Variants in SMARCA2 observed in about 807,000 individuals in gnomAD.
The protein encoded by SMARCA2 is SWI/SNF-related matrix-associated actin-dependent regulator of chromatin subfamily A member 2.
In SMARCA2, 61 loss-of-function variants were observed where a neutral mutation model predicts 199.8. The ratio of observed to expected loss-of-function variants is 0.31; its 90% CI spans 0.25 to 0.38. The LOEUF is 0.38. SMARCA2 is among the 10% of genes least tolerant of loss of function. The pLI is 1.00. For missense variants in SMARCA2, 1,344 were observed against 2,012.2 expected (o/e 0.67, Z 6.35); for synonymous variants, 935 against 732.0 (o/e 1.28, Z -4.48).
At chr9:2,135,389 A>T (rs1563792681) in intron 27 of SMARCA2, among the ~76,000 whole-genome samples, 1 of 152,202 alleles carries the variant, frequency 6.6e-6, no homozygotes, top group Non-Finnish European at 1.5e-5. Context: ...TCACAAAATA[A>T]TATTTTACCA....
intron 32 of SMARCA2, among the ~76,000 whole-genome samples, chr9:2,189,266 C>CTGTT (rs1202997418): frequency 1.3e-5 from 2 of 152,124 alleles, no homozygotes; most frequent in African/African-American, 2.4e-5. Flanking sequence ...CCTTAGGAAG[C>CTGTT]TGTTTATAGG....
chr9:2,192,478 G>A, intron 33 of SMARCA2: 1 of 570,626 alleles, frequency 1.8e-6, no homozygotes, highest in Non-Finnish European at 3.1e-6. Flanking sequence ...ACAAACAATA[G>A]CTTAGAGGGT....
intron 6 of SMARCA2, chr9:2,055,697 G>T (rs186248368): frequency 1.3e-5 from 2 of 152,268 alleles, no homozygotes; most frequent in Non-Finnish European, 2.9e-5. Context: ...GTGCTACTTG[G>T]CTCTTGGTTT....
At chr9:2,088,465 T>C in intron 18 of SMARCA2, 35 bp from the exon 19 acceptor site, 1 of 1,551,872 alleles carries the variant, frequency 6.4e-7, no homozygotes, top group Non-Finnish European at 8.6e-7. Context: ...TCCTTTTCTT[T>C]AAAAAATCAA....
intron 24 of SMARCA2, among the ~76,000 whole-genome samples, chr9:2,112,343 C>G (rs904667882): frequency 6.6e-6 from 1 of 152,172 alleles, no homozygotes; most frequent in Non-Finnish European, 1.5e-5. Context: ...AGCATTTCCA[C>G]TGACTCTTAG....
chr9:2,161,768 A>T lies in SMARCA2; in HGVS notation c.4064A>T (p.Asp1355Val). ...KRKRRRNVDKDPAKEDVEKAK... is the reference protein window; with the variant it reads ...KRKRRRNVDKVPAKEDVEKAK... ...AAAAGACGAAGAAATGTGGATAAAG[A>T]TCCTGCAAAAGAAGATGTGGAAAAA... The change falls in exon 28 of 34, where the codon GAT (aspartate) becomes GTT (valine). Residue 1355 changes from aspartate (D) to valine (V), a missense_variant. Transcript: ENST00000349721. The surrounding 1 kb of genome is among the most constrained non-coding windows in gnomAD (Gnocchi z 4.7). The T allele has an allele frequency of 1.2e-6, 2 of 1,614,102 alleles. No homozygotes were observed. The highest frequency in any genetic ancestry group is 1.7e-6 in the Non-Finnish European group (2 of 1,179,972).
intron 25 of SMARCA2, among the ~76,000 whole-genome samples, chr9:2,118,779 C>A (rs1823326835): frequency 6.6e-6 from 1 of 151,980 alleles, no homozygotes; most frequent in Admixed American, 6.6e-5. Context: ...AAATTTTAGC[C>A]CATATGTAAT....
chr9:2,170,026 T>A lies in SMARCA2; in HGVS notation c.4200-393T>A, dbSNP rs1826161206. 6.6e-6 allele frequency among the ~76,000 whole-genome samples: 1 copy of A among 152,166 alleles called. No individual in the cohort carries two copies. Among genetic ancestry groups the A allele is most frequent in the African/African-American group, 2.4e-5 (1 of 41,434 alleles). On this transcript the variant is annotated intron_variant, in intron 28 of 33. Coordinates refer to ENST00000349721, the MANE Select transcript of SMARCA2 (RefSeq NM_003070.5). The surrounding 1 kb of genome is among the most constrained non-coding windows in gnomAD (Gnocchi z 4.7). ...TTTTTATAACTTTCTGAGGTAAGTA[T>A]TTCCCCCATTTTACAAATGAGGGGC...
chr9:2,109,810 TA>T (rs1267257803), intron 23 of SMARCA2, among the ~76,000 whole-genome samples: 1 of 152,316 alleles, frequency 6.6e-6, no homozygotes, highest in East Asian at 1.9e-4. Flanking sequence ...TTTCTTGGCA[TA>T]AAAAAAGTCC....
intron 24 of SMARCA2, among the ~76,000 whole-genome samples, chr9:2,112,814 C>A (rs1823060592): frequency 1.3e-5 from 2 of 152,134 alleles, no homozygotes; most frequent in South Asian, 4.1e-4. Context: ...GATAAAGATC[C>A]ATCTGAGTTT....
chr9:2,132,179 G>T (rs985534311), intron 27 of SMARCA2, among the ~76,000 whole-genome samples: 1 of 152,096 alleles, frequency 6.6e-6, no homozygotes, highest in Non-Finnish European at 1.5e-5. Context: ...TACGAAGAAA[G>T]GTTAAAGAAC....
chr9:2,128,785 C>G (rs1823806864), intron 27 of SMARCA2, among the ~76,000 whole-genome samples: 1 of 152,150 alleles, frequency 6.6e-6, no homozygotes, highest in Non-Finnish European at 1.5e-5. Context: ...GTTTTAGTGC[C>G]TCATTATCTT....
intron 6 of SMARCA2, among the ~76,000 whole-genome samples, chr9:2,055,305 G>T (rs776174308): frequency 6.6e-6 from 1 of 152,196 alleles, no homozygotes; most frequent in Admixed American, 6.5e-5. Context: ...GTTTACAGCA[G>T]TTATTAAAAG....
At chr9:2,023,009 G>C (rs1412053438) in intron 1 of SMARCA2, among the ~76,000 whole-genome samples, 2 of 152,166 alleles carry the variant, frequency 1.3e-5, no homozygotes, top group African/African-American at 4.8e-5. Flanking sequence ...CTAACACTTA[G>C]GTTTTCTCGT....
At chr9:2,127,710 G>C (rs1823757975) in intron 27 of SMARCA2, among the ~76,000 whole-genome samples, 1 of 152,238 alleles carries the variant, frequency 6.6e-6, no homozygotes, top group South Asian at 2.1e-4. Flanking sequence ...GTGAGCCCAG[G>C]AAAACAAAAT....
chr9:2,160,723 T>G (rs1825623659), intron 27 of SMARCA2: 1 of 544,972 alleles, frequency 1.8e-6, no homozygotes. Flanking sequence ...ATAACAACAT[T>G]AGTTATTTTG....
chr9:2,026,942 T>A (rs548861096), intron 1 of SMARCA2, among the ~76,000 whole-genome samples: 1 of 152,194 alleles, frequency 6.6e-6, no homozygotes, highest in Non-Finnish European at 1.5e-5. Context: ...CTGTTGAGGC[T>A]CCCCTGTTGT....
intron 27 of SMARCA2, among the ~76,000 whole-genome samples, chr9:2,134,000 C>G (rs997684659): frequency 2.6e-5 from 4 of 152,112 alleles, no homozygotes; most frequent in African/African-American, 9.7e-5. Flanking sequence ...ATCATAGAAC[C>G]TACTTGATAG....
At chr9:2,136,103 G>T (rs1371119041) in intron 27 of SMARCA2, among the ~76,000 whole-genome samples, 3 of 151,156 alleles carry the variant, frequency 2.0e-5, no homozygotes, top group Non-Finnish European at 4.4e-5. Context: ...GCCTCCCAAA[G>T]TGCTGAGATT....
Sources: allele counts gnomAD v4.1 joint callset (sites outside exome capture counted in the v4.1 genomes callset), GRCh38; gene constraint gnomAD v4.1.1; non-coding constraint Gnocchi (gnomAD v3.1); transcripts MANE v1.5; gene names NCBI Gene and HGNC (gene_info 2026-07-23, HGNC 2026-07-21).